The following ATP8A1 variants were observed in gnomAD, a reference collection of about 807,000 sequenced individuals.
ATP8A1 encodes phospholipid-transporting ATPase IA.
A neutral mutation model predicts 177.7 loss-of-function variants in ATP8A1; 90 were observed. The ratio of observed to expected loss-of-function variants is 0.51; its 90% CI spans 0.43 to 0.60. ATP8A1 has a LOEUF of 0.60. Ranked by LOEUF, ATP8A1 falls within the 20% of genes least tolerant of loss-of-function variation. ATP8A1 has a pLI of 0.00. For missense variants in ATP8A1, 1,072 were observed against 1,392.8 expected, an observed-to-expected ratio of 0.77 and a Z score of 3.67; for synonymous variants, 493 against 485.9, an observed-to-expected ratio of 1.01 and a Z score of -0.19.
intron 5 of ATP8A1, among the ~76,000 whole-genome samples, chr4:42,602,349 G>A (rs1165464933): frequency 3.3e-5 from 5 of 152,320 alleles, no homozygotes; most frequent in African/African-American, 1.2e-4. Flanking sequence ...TGCTCATGGA[G>A]CAGTAGGGGT....
chr4:42,423,640 C>G lies in ATP8A1; in HGVS notation c.3189G>C (p.Leu1063=), dbSNP rs913590426. ...MGLLFIPVAS[L]LLDVVYKVIK... is the part of the protein sequence containing the mutation. ...ACACCTTGTACACCACATCAAGGAG[C>G]AGAGATGCCACAGGGATGAATAACA... The change falls in exon 34 of 37, where the codon CTG becomes CTC. Residue 1063 remains leucine (L), a synonymous_variant. Coordinates refer to ENST00000381668, the MANE Select transcript of ATP8A1 (RefSeq NM_006095.2). The G allele has an allele frequency of 6.2e-7, 1 of 1,611,994 alleles. No homozygotes were observed. Among genetic ancestry groups the G allele is most frequent in the Non-Finnish European group, 8.5e-7 (1 of 1,178,996 alleles).
chr4:42,413,106 C>A (rs1163652554), intron 36 of ATP8A1, 93 bp from the exon 37 acceptor site: 6 of 926,016 alleles, frequency 6.5e-6, no homozygotes, highest in Non-Finnish European at 1.0e-5. Context: ...GCCTGGGGAA[C>A]AAATGCAGCC....
At chr4:42,612,382 TGAGTAA>T (rs1736456010) in intron 5 of ATP8A1, among the ~76,000 whole-genome samples, 1 of 148,892 alleles carries the variant, frequency 6.7e-6, no homozygotes, top group Non-Finnish European at 1.5e-5. Context: ...AACACAAAGC[TGAGTAA>T]GAGTTGGACC....
intron 1 of ATP8A1, among the ~76,000 whole-genome samples, chr4:42,637,342 C>T (rs552056867): frequency 1.3e-5 from 2 of 152,206 alleles, no homozygotes; most frequent in Non-Finnish European, 2.9e-5. Context: ...TGGATTGCAA[C>T]TCTAAGGAAC....
intron 22 of ATP8A1, among the ~76,000 whole-genome samples, chr4:42,519,978 G>C (rs1470340634): frequency 6.6e-6 from 1 of 152,164 alleles, no homozygotes; most frequent in Admixed American, 6.5e-5. Context: ...GAGTGCCTCA[G>C]TCAACTTAAA....
chr4:42,565,388 T>A (rs1316725753), intron 15 of ATP8A1, among the ~76,000 whole-genome samples: 1 of 152,192 alleles, frequency 6.6e-6, no homozygotes, highest in Non-Finnish European at 1.5e-5. Flanking sequence ...GCCTAGCTTT[T>A]GCGGCAGAAT....
chr4:42,458,805 GC>G (rs1426350851), intron 27 of ATP8A1, among the ~76,000 whole-genome samples: 1 of 152,190 alleles, frequency 6.6e-6, no homozygotes, highest in African/African-American at 2.4e-5. Flanking sequence ...TAGAGGCGTG[GC>G]AGCTAAAGCT....
At position 42,465,025 on chromosome 4, in the gene ATP8A1, G is replaced by C. The variant is rs781647686; in HGVS notation, c.2376C>G (p.Val792=). The change falls in exon 26 of 37, where the codon GTC becomes GTG. Residue 792 remains valine (V), a synonymous_variant. Coordinates refer to ENST00000381668, the MANE Select transcript of ATP8A1 (RefSeq NM_006095.2). ...SEVVEMVKKQ[V]KVVTLAIGDG... The stretch of plus-strand genomic sequence containing the variant: ...CACCGATTGCAAGCGTTACGACTTT[G>C]ACTTGTTTCTTAACCATCTCAACAA... 1 of 1,614,114 alleles carries C rather than the reference G, an allele frequency of 6.2e-7. No homozygotes were observed. Among genetic ancestry groups the C allele is most frequent in the South Asian group, 1.1e-5 (1 of 91,064 alleles).
intron 20 of ATP8A1, among the ~76,000 whole-genome samples, chr4:42,534,126 C>T (rs986309622): frequency 1.3e-5 from 2 of 151,970 alleles, no homozygotes; most frequent in Admixed American, 6.5e-5. Flanking sequence ...CTTTAATACC[C>T]CAAAAGATCA....
chr4:42,492,941 T>C (rs1578043020), intron 24 of ATP8A1, among the ~76,000 whole-genome samples: 1 of 152,210 alleles, frequency 6.6e-6, no homozygotes, highest in South Asian at 2.1e-4. Context: ...CAGAATGTTA[T>C]TAAAACACCT....
intron 14 of ATP8A1, among the ~76,000 whole-genome samples, chr4:42,573,520 C>T (rs1346919427): frequency 6.6e-6 from 1 of 152,088 alleles, no homozygotes; most frequent in Non-Finnish European, 1.5e-5. Context: ...AGCATCCAGC[C>T]CGGGAAGCAG....
Position 42,490,979 on chromosome 4 carries a change from T to C in ATP8A1, c.2152-5311A>G, listed in dbSNP as rs558960496. On this transcript the variant is annotated intron_variant, in intron 24 of 36. Coordinates refer to ENST00000381668, the MANE Select transcript of ATP8A1 (RefSeq NM_006095.2). ...AACCAAATTATTAATGATTGGAGAA[T>C]ATCTTATAGGAAGTTAAAGTGGTTT... 4.6e-5 allele frequency among the ~76,000 whole-genome samples: 7 copies of C among 152,328 alleles called. No individual in the cohort carries two copies. In the South Asian group the frequency reaches 1.4e-3, roughly 32 times the overall value.
intron 24 of ATP8A1, among the ~76,000 whole-genome samples, chr4:42,499,884 G>A (rs1250417573): frequency 6.6e-6 from 1 of 152,138 alleles, no homozygotes; most frequent in Admixed American, 6.5e-5. Flanking sequence ...AGATTTAACA[G>A]ACAGACTTTA....
At chr4:42,439,915 T>C (rs1273419517) in intron 33 of ATP8A1, among the ~76,000 whole-genome samples, 1 of 152,236 alleles carries the variant, frequency 6.6e-6, no homozygotes, top group Non-Finnish European at 1.5e-5. Context: ...GACATCGAAG[T>C]TGAAACCTTA....
chr4:42,423,548 T>C lies in ATP8A1; in HGVS notation c.3212+69A>G, dbSNP rs1714236695. The C allele has an allele frequency of 2.7e-6, 3 of 1,122,300 alleles. No individual in the cohort carries two copies. The South Asian group carries it at 4.6e-5, about 17-fold the overall frequency. 69.5% of individuals were successfully genotyped at this position (1,122,300 alleles called of 1,614,324 possible). A position where few individuals can be genotyped will look rare whatever the true frequency, so the allele number is the denominator to read the frequency against. On this transcript the variant is annotated intron_variant, in intron 34 of 36. Coordinates refer to ENST00000381668, the MANE Select transcript of ATP8A1 (RefSeq NM_006095.2). ...AAGCTCTACATGCTTGAGTTGATGT[T>C]ACCAAGAGAGAAATCTGAGGATGAA...
rs772147601 is a variant in ATP8A1 at position 42,549,081 on chromosome 4, T to C, written c.1603-19A>G. On this transcript the variant is annotated intron_variant, in intron 18 of 36. Transcript: ENST00000381668. ...GCCCCAGCTAAGAAGAAAAGGAATA[T>C]ATAATTACATACAGTTGGAAAAGTC... is the stretch of plus-strand genomic sequence containing the variant. 5.7e-6 allele frequency: 9 copies of C among 1,581,250 alleles called. No homozygotes were observed. The Admixed American group carries it at 1.4e-4, about 24-fold the overall frequency.
intron 33 of ATP8A1, among the ~76,000 whole-genome samples, chr4:42,437,695 C>T (rs1423709147): frequency 1.3e-5 from 2 of 152,112 alleles, no homozygotes; most frequent in Admixed American, 1.3e-4. Context: ...GAATCATTAT[C>T]ATGGGTAGAG....
chr4:42,569,046 A>G, intron 15 of ATP8A1, 115 bp downstream of exon 15: 1 of 418,898 alleles, frequency 2.4e-6, no homozygotes, highest in Non-Finnish European at 3.8e-6. Context: ...CTGCTCAGCA[A>G]TATTTTATTT....
In ATP8A1 at chr4:42,558,933, C is replaced by T. The variant is rs563952175; in HGVS notation, c.1341-2893G>A. 6.6e-5 allele frequency among the ~76,000 whole-genome samples: 10 copies of T among 152,274 alleles called. No individual in the cohort carries two copies. The South Asian group carries it at 1.0e-3, about 16-fold the overall frequency. On this transcript the variant is annotated intron_variant, in intron 15 of 36. Coordinates refer to ENST00000381668, the MANE Select transcript of ATP8A1 (RefSeq NM_006095.2). ...CTCACGCCTGTAATCCCAGCACTTT[C>T]GGGAGGCTGAGGCAGGAAGGCTGCT...
Sources: gnomAD v4.1 joint callset for allele counts (sites outside exome capture counted in the v4.1 genomes callset) on GRCh38, gnomAD v4.1.1 for gene constraint, MANE v1.5 for transcripts, NCBI Gene and HGNC (gene_info 2026-07-23, HGNC 2026-07-21) for gene names.